The following GBA2 variants were observed in gnomAD, a reference collection of about 807,000 sequenced individuals.
GBA2 encodes non-lysosomal glucosylceramidase.
A neutral mutation model predicts 112.9 loss-of-function variants in GBA2; 79 were observed. The ratio of observed to expected loss-of-function variants is 0.70; its 90% confidence interval spans 0.58 to 0.84. The LOEUF is 0.84. Ranked by LOEUF, GBA2 falls within the 40% of genes least tolerant of loss-of-function variation. GBA2 has a pLI of 0.00. For synonymous variants in GBA2, 403 were observed against 434.3 expected, an observed-to-expected ratio of 0.93 and a Z score of 0.90; for missense variants, 1,043 against 1,190.0, an observed-to-expected ratio of 0.88 and a Z score of 1.82.
At chr9:35,739,528 C>A in intron 9 of GBA2, 100 bp downstream of exon 9, 2 of 1,310,382 alleles carry the variant, frequency 1.5e-6, no homozygotes, top group South Asian at 2.5e-5. Flanking sequence ...CTAGTCCACA[C>A]CCAACACCCC....
chr9:35,747,899 T>A (rs1827061786), intron 1 of GBA2, among the ~76,000 whole-genome samples: 1 of 152,218 alleles, frequency 6.6e-6, no homozygotes, highest in South Asian at 2.1e-4. Flanking sequence ...TCTAACAGTG[T>A]GTCTAATGAG....
intron 3 of GBA2, among the ~76,000 whole-genome samples, chr9:35,742,868 C>T (rs924364511): frequency 4.6e-5 from 7 of 152,194 alleles, no homozygotes; most frequent in African/African-American, 1.7e-4. Context: ...TTATTGTATA[C>T]AGTGGGCTCT....
intron 3 of GBA2, 140 bp from the exon 4 acceptor site, chr9:35,742,030 C>T: frequency 1.5e-6 from 1 of 660,946 alleles, no homozygotes; most frequent in Non-Finnish European, 2.8e-6. Context: ...ATCCCCCAGG[C>T]TCAGTGAATC....
Position 35,738,133 on chromosome 9 carries a change from G to A in GBA2, c.2217C>T (p.Asp739=). 1 of 1,613,936 alleles carries A rather than the reference G, an allele frequency of 6.2e-7. No homozygotes were observed. The highest frequency in any genetic ancestry group is 8.5e-7 in the Non-Finnish European group (1 of 1,179,778). ...LLWNGRYYNY[D]SSSRPQSRSV... ...TACGAGACTGAGGCCGAGAGCTGCT[G>A]TCATAGTTGTAATAGCGGCCTGGAG... is the stretch of plus-strand genomic sequence containing the variant. The change falls in exon 15 of 17, where the codon GAC becomes GAT. Residue 739 remains aspartate, a synonymous_variant. Transcript: ENST00000378103.
chr9:35,737,211 C>G lies in GBA2; in HGVS notation c.2742G>C (p.Met914Ile), dbSNP rs1222375019. ...KQGTGLRTGP[M>I]FGPKEAMANL... ...TTGCCATGGCTTCCTTTGGTCCAAA[C>G]ATAGGCCCTGTCCTTAGTCCTGTGC... The change falls in exon 17 of 17, where the codon ATG becomes ATC. Residue 914 changes from methionine to isoleucine, a missense_variant. Physicochemically the swap from Met to Ile is conservative, Grantham distance 10 (BLOSUM62 1). Transcript: ENST00000378103. This position sits in a 1 kb window ranked among gnomAD's most constrained non-coding sequence, Gnocchi z 4.1. 1 of 1,612,020 alleles carries G rather than the reference C, an allele frequency of 6.2e-7. No individual in the cohort carries two copies.
Position 35,744,656 on chromosome 9 carries a change from A to T in GBA2, c.410T>A (p.Phe137Tyr). The T allele has an allele frequency of 6.2e-7, 1 of 1,611,028 alleles. No individual in the cohort carries two copies. The highest frequency in any genetic ancestry group is 1.1e-5 in the South Asian group (1 of 90,992). The change falls in exon 2 of 17, where the codon TTC (phenylalanine) becomes TAC (tyrosine). Residue 137 changes from phenylalanine (F) to tyrosine (Y), a missense_variant. Coordinates refer to ENST00000378103, the MANE Select transcript of GBA2 (RefSeq NM_020944.3). ...RKTHVEKKTP[F>Y]IDMINSVPLR... The stretch of plus-strand genomic sequence containing the variant: ...GGGTACAGAATTGATCATGTCGATG[A>T]AAGGTGTCTTCTTTTCCACATGGGT...
Position 35,744,368 on chromosome 9 carries a change from A to G in GBA2, c.496T>C (p.Trp166Arg), listed in dbSNP as rs980564749. 1.1e-5 allele frequency: 18 copies of G among 1,613,254 alleles called. No homozygotes were observed. The highest frequency in any genetic ancestry group is 2.7e-5 in the African/African-American group (2 of 74,896). ...GIGGGTITRG[W>R]RGQFCRWQLN... ...TGCCAACGACAGAACTGGCCTCTCC[A>G]GCCACGGGTAATAGTGCCTCCCCCG... Residue 166 changes from tryptophan (W) to arginine (R), a missense_variant, in exon 3 of 17, where the codon TGG (tryptophan) becomes CGG (arginine). Physicochemically the swap from Trp to Arg is moderately radical, Grantham distance 101. Coordinates refer to ENST00000378103, the MANE Select transcript of GBA2 (RefSeq NM_020944.3).
chr9:35,737,714 A>G lies in GBA2; in HGVS notation c.2505+34T>C. The G allele has an allele frequency of 6.2e-7, 1 of 1,611,504 alleles. No individual in the cohort carries two copies. Among genetic ancestry groups the G allele is most frequent in the Non-Finnish European group, 8.5e-7 (1 of 1,177,554 alleles). On this transcript the variant is annotated intron_variant, in intron 16 of 16. Coordinates refer to ENST00000378103, the MANE Select transcript of GBA2 (RefSeq NM_020944.3). This position sits in a 1 kb window ranked among gnomAD's most constrained non-coding sequence, Gnocchi z 4.1. ...GAGGAAGTTTTCTGGGCCAGGATAC[A>G]GATGGTGGAGAGATGGGAAAAGGAG...
At position 35,738,061 on chromosome 9, in the gene GBA2, A is replaced by G; in HGVS notation, c.2289T>C (p.Cys763=). Residue 763 remains cysteine, a synonymous_variant, in exon 15 of 17, where the codon TGT becomes TGC. Coordinates refer to ENST00000378103, the MANE Select transcript of GBA2 (RefSeq NM_020944.3). ...QCAGQWFLKA[C]GLGEGDTEVF... The stretch of plus-strand genomic sequence containing the variant: ...CCTCAGTGTCTCCTTCTCCTAGGCC[A>G]CAGGCCTTCAGGAACCACTGTCCAG... 1 of 1,611,670 alleles carries G rather than the reference A, an allele frequency of 6.2e-7. No homozygotes were observed. The highest frequency in any genetic ancestry group is 8.5e-7 in the Non-Finnish European group (1 of 1,178,224).
rs551281885 is a variant in GBA2 at position 35,746,544 on chromosome 9, T to C, written c.359+1802A>G. ...AGACGGAGGTTGCACTGAGCTGAGA[T>C]TGCACCATTGTACTCCAGCCTGGGT... On this transcript the variant is annotated intron_variant, in intron 1 of 16. Transcript: ENST00000378103. This position sits in a 1 kb window ranked among gnomAD's most constrained non-coding sequence, Gnocchi z 5.2. Among the ~76,000 whole-genome samples the C allele has an allele frequency of 4.6e-5, 7 of 151,902 alleles. No homozygotes were observed. The highest frequency in any genetic ancestry group is 1.4e-4 in the African/African-American group (6 of 41,402).
At chr9:35,742,347 C>A (rs1826739388) in intron 3 of GBA2, among the ~76,000 whole-genome samples, 1 of 152,174 alleles carries the variant, frequency 6.6e-6, no homozygotes, top group Non-Finnish European at 1.5e-5. Flanking sequence ...ATAGTCTGTT[C>A]ATATAAAAAC....
Position 35,738,563 on chromosome 9 carries a change from C to G in GBA2, c.2017G>C (p.Asp673His). The change falls in exon 13 of 17, where the codon GAC becomes CAC. Residue 673 changes from aspartate to histidine, a missense_variant. Transcript: ENST00000378103. ...GTCACCCATCCATCATAGGTCTGGT[C>G]TGCATAGCCTCCATTTTCAATGAGT... ...DGLIENGGYA[D>H]QTYDGWVTTG... 6.2e-7 allele frequency: 1 copy of G among 1,613,946 alleles called. No individual in the cohort carries two copies. The highest frequency in any genetic ancestry group is 8.5e-7 in the Non-Finnish European group (1 of 1,179,802).
chr9:35,748,655 T>C lies in GBA2; in HGVS notation c.50A>G (p.Glu17Gly). The part of the protein sequence containing the change: ...GNMGTGVPAS[E>G]QISCAKEDPQ... ...ATCCTCTTTGGCACAGCTTATCTGC[T>C]CCGAGGCTGGGACGCCGGTTCCCAT... Residue 17 changes from glutamate to glycine, a missense_variant, in exon 1 of 17, where the codon GAG (glutamate) becomes GGG (glycine). Transcript: ENST00000378103. 6.2e-7 allele frequency: 1 copy of C among 1,600,436 alleles called. No individual in the cohort carries two copies. The highest frequency in any genetic ancestry group is 1.1e-5 in the South Asian group (1 of 89,682).
rs1184160664 is a variant in GBA2, at chr9:35,744,566, C to A, written c.451+49G>T. The stretch of plus-strand genomic sequence containing the variant: ...AAGTCTCTTCCTAACTGTGGTAGAC[C>A]TGGAGGCTAGGCCTTCTCTGAGCAG... On this transcript the variant is annotated intron_variant, in intron 2 of 16. Transcript: ENST00000378103. 3 of 1,219,386 alleles carry A rather than the reference C, an allele frequency of 2.5e-6. No homozygotes were observed. The South Asian group carries it at 3.6e-5, about 15-fold the overall frequency. The allele number at this position is 1,219,386 out of a possible 1,614,324, so 75.5% of individuals were successfully genotyped here. A position where few individuals can be genotyped will look rare whatever the true frequency, so the allele number is the denominator to read the frequency against.
At position 35,744,325 on chromosome 9, in the gene GBA2, T is replaced by G; in HGVS notation, c.539A>C (p.Tyr180Ser). Reference sequence around the variant, plus strand: ...GTCAGCGATGACTGTCCGGTGCTGATACATTCCAGGGTTAAGCTGCCAACG... The same window carrying G: ...GTCAGCGATGACTGTCCGGTGCTGAGACATTCCAGGGTTAAGCTGCCAACG... ...FCRWQLNPGMYQHRTVIADQF... is the reference protein window; with the variant it reads ...FCRWQLNPGMSQHRTVIADQF... The change falls in exon 3 of 17, where the codon TAT (tyrosine) becomes TCT (serine). Residue 180 changes from tyrosine (Y) to serine (S), a missense_variant. Tyr to Ser is a moderately radical substitution (Grantham distance 144). Transcript: ENST00000378103. The G allele has an allele frequency of 1.9e-6, 3 of 1,611,860 alleles. No homozygotes were observed. Among genetic ancestry groups the G allele is most frequent in the Non-Finnish European group, 2.5e-6 (3 of 1,177,940 alleles).
Position 35,739,405 on chromosome 9 carries a change from T to TG in GBA2, c.1596dup (p.Met533HisfsTer6). The TG allele has an allele frequency of 1.2e-6, 2 of 1,611,020 alleles. No homozygotes were observed. Among genetic ancestry groups the TG allele is most frequent in the Non-Finnish European group, 1.7e-6 (2 of 1,177,222 alleles). ...AAGTGGACATCATATGTGTTGTACA[T>TG]GCGGTACTCCTGGCCTGGAGGAATG... On this transcript the variant is annotated frameshift_variant, in exon 10 of 17. Transcript: ENST00000378103. LOFTEE classifies it high-confidence loss of function.
intron 3 of GBA2, among the ~76,000 whole-genome samples, chr9:35,742,705 T>A (rs1313291297): frequency 6.6e-6 from 1 of 152,210 alleles, no homozygotes; most frequent in Non-Finnish European, 1.5e-5. Context: ...TTCCACAGTA[T>A]ACTATCCACC....
At position 35,741,441 on chromosome 9, in the gene GBA2, C is replaced by G. The variant is rs111643781; in HGVS notation, c.786+231G>C. ...TCCCGAGTAGCTGGGACTACAGGTG[C>G]CTGCCACAACGCCCAGCTAATTTTT... is the stretch of plus-strand genomic sequence containing the variant. On this transcript the variant is annotated intron_variant, in intron 4 of 16. Transcript: ENST00000378103. The surrounding 1 kb of genome is among the most constrained non-coding windows in gnomAD (Gnocchi z 4.6). 291 of 553,966 alleles carry G rather than the reference C, an allele frequency of 5.3e-4. No homozygotes were observed. The highest frequency in any genetic ancestry group is 3.4e-3 in the African/African-American group (180 of 52,914). 34.3% of individuals were successfully genotyped at this position (553,966 alleles called of 1,614,324 possible). A position where few individuals can be genotyped will look rare whatever the true frequency, so the allele number is the denominator to read the frequency against.
rs200812873 is a variant in GBA2 at position 35,748,679 on chromosome 9, A to G, written c.26T>C (p.Met9Thr). ...CTCCGAGGCTGGGACGCCGGTTCCCATGTTCCCTGGATCCTGGGTCCCCAT... is the reference window on the plus strand; with the variant it reads ...CTCCGAGGCTGGGACGCCGGTTCCCGTGTTCCCTGGATCCTGGGTCCCCAT... The part of the protein sequence containing the change: MGTQDPGN[M>T]GTGVPASEQI... The change falls in exon 1 of 17, where the codon ATG becomes ACG. Residue 9 changes from methionine to threonine, a missense_variant. By Grantham distance (81) the Met-to-Thr change is moderately conservative. Transcript: ENST00000378103. 1.6e-5 allele frequency: 26 copies of G among 1,580,864 alleles called. No homozygotes were observed. In the East Asian group the frequency reaches 5.4e-4, roughly 33 times the overall value.
Sources: allele counts gnomAD v4.1 joint callset (sites outside exome capture counted in the v4.1 genomes callset), GRCh38; gene constraint gnomAD v4.1.1; non-coding constraint Gnocchi (gnomAD v3.1); transcripts MANE v1.5; gene names NCBI Gene and HGNC (gene_info 2026-07-23, HGNC 2026-07-21).